Variants in ATP2A1 observed in about 807,000 individuals in gnomAD.
The protein encoded by ATP2A1 is sarcoplasmic/endoplasmic reticulum calcium ATPase 1.
ATP2A1 carries 83 observed loss-of-function variants against 109.5 expected under a neutral mutation model. The ratio of observed to expected loss-of-function variants is 0.76; its 90% CI spans 0.63 to 0.91. The LOEUF (loss-of-function observed/expected upper bound fraction) is 0.91, where lower values mean the gene tolerates loss of function less well. Ranked by LOEUF, ATP2A1 falls within the 40% of genes least tolerant of loss-of-function variation. The pLI is 0.00. For synonymous variants in ATP2A1, 505 were observed against 537.6 expected (o/e 0.94, Z 0.84); for missense variants, 1,101 against 1,341.0 (o/e 0.82, Z 2.80).
chr16:28,892,213 T>C (rs1489594259), intron 9 of ATP2A1: 4 of 198,028 alleles, frequency 2.0e-5, no homozygotes, highest in Non-Finnish European at 4.4e-5. Context: ...ATGTGGTCTG[T>C]TGACAACATG....
intron 14 of ATP2A1, among the ~76,000 whole-genome samples, chr16:28,899,477 A>G (rs1320523645): frequency 6.6e-6 from 1 of 151,930 alleles, no homozygotes; most frequent in Non-Finnish European, 1.5e-5. Flanking sequence ...CATCTCTACT[A>G]AAAATACAAA....
At chr16:28,882,083 C>T (rs1464654075) in intron 4 of ATP2A1, among the ~76,000 whole-genome samples, 1 of 141,100 alleles carries the variant, frequency 7.1e-6, no homozygotes, top group African/African-American at 2.7e-5. Context: ...ATTACAGGCG[C>T]GTGCTACTAC....
At chr16:28,900,161 C>T (rs901997365) in intron 14 of ATP2A1, among the ~76,000 whole-genome samples, 2 of 151,602 alleles carry the variant, frequency 1.3e-5, no homozygotes, top group Middle Eastern at 3.4e-3. Flanking sequence ...ATTAGCTGGA[C>T]ATGTTGGTGC....
At chr16:28,900,269 A>G (rs1309568418) in intron 14 of ATP2A1, among the ~76,000 whole-genome samples, 3 of 151,734 alleles carry the variant, frequency 2.0e-5, no homozygotes, top group African/African-American at 4.8e-5. Flanking sequence ...CCGTTGTACC[A>G]CTGCACTCCA....
In ATP2A1 at chr16:28,884,612, C is replaced by T; in HGVS notation, c.501C>T (p.Ala167=). 6.2e-7 allele frequency: 1 copy of T among 1,613,526 alleles called. No individual in the cohort carries two copies. The part of the protein sequence containing the change: ...DKVPADIRIL[A]IKSTTLRVDQ... ...TCCCTGCAGACATCCGAATCCTCGCCATCAAATCCACCACGCTGCGGGTTG... is the reference window on the plus strand; with the variant it reads ...TCCCTGCAGACATCCGAATCCTCGCTATCAAATCCACCACGCTGCGGGTTG... Residue 167 remains alanine, a synonymous_variant, in exon 6 of 23, where the codon GCC becomes GCT. Transcript: ENST00000395503.
At chr16:28,900,463 T>TG in intron 14 of ATP2A1, 118 bp from the exon 15 acceptor site, 7 of 946,150 alleles carry the variant, frequency 7.4e-6, no homozygotes, top group Non-Finnish European at 7.6e-6. Context: ...GGTTCAGGCT[T>TG]CCCACCCCTC....
At position 28,903,896 on chromosome 16, in the gene ATP2A1, G is replaced by A. The variant is rs8046545; in HGVS notation, c.*37+155G>A. The A allele has an allele frequency of 0.69, 567,381 of 820,674 alleles. 201,145 individuals carry two copies. Among genetic ancestry groups the A allele is most frequent in the African/African-American group, 0.93 (55,779 of 59,876 alleles). The allele number at this position is 820,674 out of a possible 1,614,324, so 50.8% of individuals were successfully genotyped here. On this transcript the variant is annotated intron_variant, in intron 22 of 22. Coordinates refer to ENST00000395503, the MANE Select transcript of ATP2A1 (RefSeq NM_004320.6). This position sits in a 1 kb window ranked among gnomAD's most constrained non-coding sequence, Gnocchi z 5.6. ...GCTGCGCTTCCAGTCAGGGTGGGCC[G>A]CTGGCCTCCCACTGGGCGTCAGTTT...
rs1963455258 is a variant in ATP2A1, at chr16:28,880,989, C to T, written c.294C>T (p.Leu98=). Reference sequence around the variant, plus strand: ...AACCCTTTGTCATCCTCTTGATCCTCATTGCCAATGCCATCGTGGGGGTTT... The same window carrying T: ...AACCCTTTGTCATCCTCTTGATCCTTATTGCCAATGCCATCGTGGGGGTTT... ...FVEPFVILLI[L]IANAIVGVWQ... is the part of the protein sequence containing the mutation. The change falls in exon 4 of 23, where the codon CTC becomes CTT. Residue 98 remains leucine, a synonymous_variant. Coordinates refer to ENST00000395503, the MANE Select transcript of ATP2A1 (RefSeq NM_004320.6). This position sits in a 1 kb window ranked among gnomAD's most constrained non-coding sequence, Gnocchi z 4.2. 1 of 1,614,222 alleles carries T rather than the reference C, an allele frequency of 6.2e-7. No individual in the cohort carries two copies.
intron 6 of ATP2A1, among the ~76,000 whole-genome samples, chr16:28,886,205 T>C (rs746821980): frequency 6.6e-6 from 1 of 151,980 alleles, no homozygotes; most frequent in Non-Finnish European, 1.5e-5. Context: ...GGCATTGTAC[T>C]GCACACCTGT....
chr16:28,902,508 C>G lies in ATP2A1; in HGVS notation c.2525-72C>G. The G allele has an allele frequency of 6.4e-7, 1 of 1,568,946 alleles. No homozygotes were observed. Among genetic ancestry groups the G allele is most frequent in the Non-Finnish European group, 8.7e-7 (1 of 1,145,712 alleles). The stretch of plus-strand genomic sequence containing the variant: ...TCCTTGGCCAGCCTGTCCATGGCCA[C>G]ATGAGGCCCTCAACCCTCGATGCCC... On this transcript the variant is annotated intron_variant, in intron 17 of 22. Coordinates refer to ENST00000395503, the MANE Select transcript of ATP2A1 (RefSeq NM_004320.6). The surrounding 1 kb of genome is among the most constrained non-coding windows in gnomAD (Gnocchi z 4.8).
Position 28,902,435 on chromosome 16 carries a change from C to T in ATP2A1, c.2524+49C>T. 1 of 1,600,370 alleles carries T rather than the reference C, an allele frequency of 6.2e-7. No individual in the cohort carries two copies. Among genetic ancestry groups the T allele is most frequent in the Non-Finnish European group, 8.5e-7 (1 of 1,170,072 alleles). On this transcript the variant is annotated intron_variant, in intron 17 of 22. Transcript: ENST00000395503. The surrounding 1 kb of genome is among the most constrained non-coding windows in gnomAD (Gnocchi z 4.8). Reference sequence around the variant, plus strand: ...CCTCCCCACCCCTTGGGACTAACCCCCTCTCTGGGACACCAGCTCCCCCAT... The same window carrying T: ...CCTCCCCACCCCTTGGGACTAACCCTCTCTCTGGGACACCAGCTCCCCCAT...
At chr16:28,882,210 C>CG (rs1267490144) in intron 4 of ATP2A1, among the ~76,000 whole-genome samples, 1 of 150,474 alleles carries the variant, frequency 6.6e-6, no homozygotes, top group Non-Finnish European at 1.5e-5. Flanking sequence ...CCGCCTGCCT[C>CG]AGCCTCCCAG....
At chr16:28,878,953 G>A (rs1596658675) in intron 1 of ATP2A1, 146 bp from the exon 2 acceptor site, 3 of 1,355,472 alleles carry the variant, frequency 2.2e-6, no homozygotes, top group Non-Finnish European at 3.2e-6. Context: ...ACAGAGTCCC[G>A]AGATCCAGAG....
At chr16:28,882,615 G>A (rs1402947532) in intron 5 of ATP2A1, 26 bp downstream of exon 5, 1 of 1,613,250 alleles carries the variant, frequency 6.2e-7, no homozygotes, top group Admixed American at 1.7e-5. Flanking sequence ...GGCTGGTCCA[G>A]GATGGGAGGC....
intron 4 of ATP2A1, 62 bp downstream of exon 4, chr16:28,881,081 C>G (rs905003990): frequency 6.8e-7 from 1 of 1,467,058 alleles, no homozygotes; most frequent in African/African-American, 1.4e-5. Flanking sequence ...CCAACCCTCC[C>G]TCCAGTCTCC....
chr16:28,894,355 C>T (rs1036326269), intron 10 of ATP2A1, 112 bp downstream of exon 10: 10 of 1,306,220 alleles, frequency 7.7e-6, no homozygotes, highest in South Asian at 2.5e-5. Context: ...TCTTCCTCCC[C>T]GACCTTGTTC....
At chr16:28,899,735 C>G (rs945858258) in intron 14 of ATP2A1, among the ~76,000 whole-genome samples, 1 of 143,102 alleles carries the variant, frequency 7.0e-6, no homozygotes, top group East Asian at 2.1e-4. Flanking sequence ...CCAAGCCTGG[C>G]AGATCACTTG....
chr16:28,891,936 A>T (rs1198374705), intron 9 of ATP2A1, among the ~76,000 whole-genome samples: 1 of 152,156 alleles, frequency 6.6e-6, no homozygotes, highest in Non-Finnish European at 1.5e-5. Flanking sequence ...CATAGGAAAG[A>T]TACATAGGGT....
rs747262691 is a variant in ATP2A1, at chr16:28,901,829, G to A, written c.2101-34G>A. The stretch of plus-strand genomic sequence containing the variant: ...TTTTTAAAAAGGAGGGATGTGTGAA[G>A]GTGCCCTAAGCCCACCTTCTCCTCC... On this transcript the variant is annotated intron_variant, in intron 15 of 22. Transcript: ENST00000395503. The A allele has an allele frequency of 3.8e-6, 6 of 1,573,606 alleles. No homozygotes were observed. The African/African-American group carries it at 8.1e-5, about 21-fold the overall frequency.
Sources: gnomAD v4.1 joint callset for allele counts (sites outside exome capture counted in the v4.1 genomes callset) on GRCh38, gnomAD v4.1.1 for gene constraint, Gnocchi (gnomAD v3.1) non-coding constraint, MANE v1.5 for transcripts, NCBI Gene and HGNC (gene_info 2026-07-23, HGNC 2026-07-21) for gene names.